Variants in SAXO5 observed in about 807,000 individuals in gnomAD.
SAXO5 encodes stabilizer of axonemal microtubules 5, also known as testis expressed 45.
At chr19:7,507,165 C>T in the SAXO5 span, 18,211 of 1,597,390 alleles carry the variant, frequency 0.011, 686 homozygotes, top group African/African-American at 0.13. Context: ...AGGGGAGCCA[C>T]CCATCATTAG....
the SAXO5 span, chr19:7,500,759 T>A: frequency 2.9e-6 from 4 of 1,362,686 alleles, no homozygotes; most frequent in Non-Finnish European, 3.8e-6. Context: ...CAAAGGCAAG[T>A]GCCCCAATGG....
chr19:7,498,154 A>AACAC, the SAXO5 span, among the ~76,000 whole-genome samples: 35 of 133,558 alleles, frequency 2.6e-4, no homozygotes, highest in African/African-American at 9.0e-4. Flanking sequence ...GTTTCATTAA[A>AACAC]ACACACACAC....
the SAXO5 span, among the ~76,000 whole-genome samples, chr19:7,499,278 C>T: frequency 1.3e-5 from 2 of 149,442 alleles, no homozygotes; most frequent in Non-Finnish European, 3.0e-5. Context: ...TGCCACTGTA[C>T]TCCAGCCTGG....
chr19:7,506,778 C>T, the SAXO5 span: 1 of 457,562 alleles, frequency 2.2e-6, no homozygotes, highest in African/African-American at 2.0e-5. Flanking sequence ...GCTCCTCTCT[C>T]CTCCCCTGGC....
chr19:7,499,466 A>G, the SAXO5 span, among the ~76,000 whole-genome samples: 1 of 152,156 alleles, frequency 6.6e-6, no homozygotes, highest in Non-Finnish European at 1.5e-5. Flanking sequence ...AGTTAGGCAG[A>G]GGAACAAAAA....
the SAXO5 span, chr19:7,501,415 G>A: frequency 1.1e-5 from 16 of 1,464,086 alleles, no homozygotes; most frequent in Non-Finnish European, 1.4e-5. Flanking sequence ...CGCGCGCCCG[G>A]GCTGAGTGGG....
At chr19:7,508,176 C>A in the SAXO5 span, 1 of 1,597,088 alleles carries the variant, frequency 6.3e-7, no homozygotes, top group South Asian at 1.1e-5. Context: ...CCCAGGCTGC[C>A]CTGCCAGGCT....
At chr19:7,505,819 G>A in the SAXO5 span, 3 of 957,260 alleles carry the variant, frequency 3.1e-6, no homozygotes, top group Non-Finnish European at 4.6e-6. Flanking sequence ...AATGAGATAA[G>A]AGTACCAACT....
the SAXO5 span, among the ~76,000 whole-genome samples, chr19:7,498,686 C>T: frequency 1.3e-5 from 2 of 152,092 alleles, no homozygotes; most frequent in Non-Finnish European, 2.9e-5. Flanking sequence ...TGAGCCACTG[C>T]ACCCGTCTGA....
the SAXO5 span, chr19:7,508,248 T>C: frequency 3.7e-6 from 6 of 1,613,916 alleles, no homozygotes; most frequent in Non-Finnish European, 5.1e-6. Flanking sequence ...TGGACTGCGC[T>C]TCTTCTCAAC....
At chr19:7,506,293 C>A in the SAXO5 span, 1 of 849,472 alleles carries the variant, frequency 1.2e-6, no homozygotes, top group Admixed American at 2.0e-5. Context: ...CCGGGAAGCC[C>A]AGCCCTGGAA....
chr19:7,505,473 C>A, the SAXO5 span: 1 of 1,613,528 alleles, frequency 6.2e-7, no homozygotes, highest in Non-Finnish European at 8.5e-7. Flanking sequence ...CGCCTCCCAC[C>A]GCAGCCTCCC....
the SAXO5 span, chr19:7,507,042 A>C: frequency 8.7e-6 from 14 of 1,611,632 alleles, no homozygotes; most frequent in Non-Finnish European, 1.0e-5. Context: ...AGCCTCCCCA[A>C]CCTGAATCTC....
chr19:7,502,863 C>T, the SAXO5 span, among the ~76,000 whole-genome samples: 1 of 152,090 alleles, frequency 6.6e-6, no homozygotes, highest in Non-Finnish European at 1.5e-5. Context: ...AAAGAGTAGC[C>T]AGCATTCGTG....
the SAXO5 span, among the ~76,000 whole-genome samples, chr19:7,502,302 G>A: frequency 6.6e-6 from 1 of 152,048 alleles, no homozygotes; most frequent in Admixed American, 6.6e-5. Context: ...TAGAGATGCA[G>A]TCTTACTATG....
At chr19:7,506,098 G>A in the SAXO5 span, 3 of 1,613,508 alleles carry the variant, frequency 1.9e-6, no homozygotes, top group African/African-American at 1.3e-5. Context: ...GCCCTTCAGA[G>A]TGGAGACAGG....
At chr19:7,499,937 T>TGTGTGTGTGTGC in the SAXO5 span, 6 of 140,800 alleles carry the variant, frequency 4.3e-5, 1 homozygote, top group Admixed American at 4.3e-4. Flanking sequence ...CTAATTTGTG[T>TGTGTGTGTGTGC]GTGTGTGTGT....
chr19:7,501,310 A>G, the SAXO5 span: 2 of 1,571,826 alleles, frequency 1.3e-6, no homozygotes, highest in Non-Finnish European at 1.7e-6. Context: ...GGCGACCGCG[A>G]CAAGTTGCGC....
the SAXO5 span, chr19:7,508,328 G>T: frequency 5.6e-6 from 9 of 1,613,998 alleles, no homozygotes; most frequent in Non-Finnish European, 7.6e-6. Flanking sequence ...ATCCTCAGGA[G>T]GGCTTCGTGC....
Sources: gnomAD v4.1 joint callset for allele counts (sites outside exome capture counted in the v4.1 genomes callset) on GRCh38, gnomAD v4.1.1 for gene constraint, MANE v1.5 for transcripts, NCBI Gene and HGNC (gene_info 2026-07-23, HGNC 2026-07-21) for gene names.